Variants in ANK3 observed in about 807,000 individuals in gnomAD.
The protein encoded by ANK3 is ankyrin 3, also known as ankyrin-3.
In ANK3, 57 loss-of-function variants were observed where a neutral mutation model predicts 370.9. That is an observed-to-expected ratio of 0.15 (90% CI 0.12 to 0.19). ANK3 has a LOEUF of 0.19. Among genes scored for constraint, ANK3 ranks in the 10% least tolerant of loss-of-function variants. The probability of loss-of-function intolerance (pLI) is 1.00; values close to 1 mark genes in which losing one functional copy is unlikely to be tolerated. For synonymous variants in ANK3, 1,929 were observed against 1,946.3 expected (o/e 0.99, Z 0.23); for missense variants, 4,439 against 5,302.1 (o/e 0.84, Z 5.06).
Position 60,138,950 on chromosome 10 carries a change from C to T in ANK3, c.2738+14G>A, listed in dbSNP as rs1476840623. 1 of 1,611,548 alleles carries T rather than the reference C, an allele frequency of 6.2e-7. No homozygotes were observed. The highest frequency in any genetic ancestry group is 1.3e-5 in the African/African-American group (1 of 74,794). On this transcript the variant is annotated intron_variant, in intron 24 of 43. Coordinates refer to ENST00000280772, the MANE Select transcript of ANK3 (RefSeq NM_020987.5). ...GTTTTAAATTAACTATGAAAGACAG[C>T]AACAACGAAGTACCTGGCAGAACGC...
intron 1 of ANK3, among the ~76,000 whole-genome samples, chr10:60,689,847 G>A (rs976851930): frequency 1.1e-4 from 16 of 151,816 alleles, no homozygotes; most frequent in Non-Finnish European, 1.5e-4. Flanking sequence ...TCAAAATTAT[G>A]TTGAGGGAAT....
intron 2 of ANK3, among the ~76,000 whole-genome samples, chr10:60,497,378 G>T (rs1486096419): frequency 1.3e-5 from 2 of 152,310 alleles, no homozygotes; most frequent in African/African-American, 4.8e-5. Flanking sequence ...AATTGTAGTT[G>T]TTCTGGTACC....
At chr10:60,465,757 T>C (rs755923273) in intron 2 of ANK3, among the ~76,000 whole-genome samples, 4 of 151,296 alleles carry the variant, frequency 2.6e-5, no homozygotes, top group Non-Finnish European at 4.4e-5. Context: ...GAATTCCTAA[T>C]AGGAATAGTT....
intron 2 of ANK3, among the ~76,000 whole-genome samples, chr10:60,465,077 G>A (rs998481988): frequency 1.3e-5 from 2 of 152,018 alleles, no homozygotes; most frequent in Non-Finnish European, 2.9e-5. Flanking sequence ...GGCCAGCCTG[G>A]GCAACATGGT....
At chr10:60,634,731 T>C (rs1477826149) in intron 1 of ANK3, among the ~76,000 whole-genome samples, 2 of 152,118 alleles carry the variant, frequency 1.3e-5, no homozygotes. Flanking sequence ...CTTTATGAGC[T>C]GTAACACTCA....
chr10:60,699,705 G>A (rs1393419270), intron 1 of ANK3, among the ~76,000 whole-genome samples: 1 of 152,138 alleles, frequency 6.6e-6, no homozygotes, highest in Non-Finnish European at 1.5e-5. Flanking sequence ...ATACATTTAA[G>A]GAGAGAAGAA....
At chr10:60,126,020 G>A (rs1262922584) in intron 25 of ANK3, among the ~76,000 whole-genome samples, 1 of 152,196 alleles carries the variant, frequency 6.6e-6, no homozygotes, top group Non-Finnish European at 1.5e-5. Flanking sequence ...AGATGTGACA[G>A]CAGCCTTCCT....
At chr10:60,705,875 T>G (rs1329718861) in intron 1 of ANK3, among the ~76,000 whole-genome samples, 2 of 145,874 alleles carry the variant, frequency 1.4e-5, no homozygotes, top group African/African-American at 5.1e-5. Flanking sequence ...CTCCATTGAG[T>G]GCAGTGGTGC....
chr10:60,240,881 A>G (rs976990945), intron 7 of ANK3, among the ~76,000 whole-genome samples: 2 of 152,226 alleles, frequency 1.3e-5, no homozygotes, highest in Non-Finnish European at 2.9e-5. Context: ...ATGAGCCACC[A>G]TGCCTGGTGA....
chr10:60,043,157 T>C (rs2076404072), intron 42 of ANK3: 3 of 990,830 alleles, frequency 3.0e-6, no homozygotes, highest in South Asian at 4.7e-5. Context: ...ATGCTGTTGA[T>C]CTGAGGGACT....
At chr10:60,082,488 C>A in intron 34 of ANK3, 127 bp downstream of exon 34, 4 of 1,287,902 alleles carry the variant, frequency 3.1e-6, no homozygotes, top group Non-Finnish European at 4.3e-6. Context: ...GCAATCTACA[C>A]GAGGAGACTA....
At position 60,441,157 on chromosome 10, in the gene ANK3, G is replaced by C. The variant is rs537361515; in HGVS notation, c.97-161518C>G. The stretch of plus-strand genomic sequence containing the variant: ...TCATGTCTGGGTGGTAAGATGGATT[G>C]TGAGAGACTATTTTCTTTATAATAT... On this transcript the variant is annotated intron_variant, in intron 2 of 43. Coordinates refer to the ANK3 transcript ENST00000373827. Among the ~76,000 whole-genome samples, 62 of 152,294 alleles carry C rather than the reference G, an allele frequency of 4.1e-4. No individual in the cohort carries two copies. In the Middle Eastern group the frequency reaches 0.017, roughly 42 times the overall value.
At chr10:60,646,569 G>A (rs577364408) in intron 1 of ANK3, among the ~76,000 whole-genome samples, 1 of 152,208 alleles carries the variant, frequency 6.6e-6, no homozygotes, top group African/African-American at 2.4e-5. Context: ...GACAACTACA[G>A]AGATCCAGTT....
chr10:60,333,170 C>T (rs936970493), intron 1 of ANK3, among the ~76,000 whole-genome samples: 5 of 152,006 alleles, frequency 3.3e-5, no homozygotes, highest in Non-Finnish European at 7.4e-5. Context: ...TATTATTATA[C>T]TTTAAGTTCT....
At chr10:60,162,125 C>G (rs1003208615) in intron 23 of ANK3, among the ~76,000 whole-genome samples, 5 of 152,130 alleles carry the variant, frequency 3.3e-5, no homozygotes, top group Non-Finnish European at 5.9e-5. Flanking sequence ...CCTTAACACA[C>G]CTCCTTTTTT....
At chr10:60,188,302 C>T (rs1400693475) in intron 16 of ANK3, among the ~76,000 whole-genome samples, 1 of 152,026 alleles carries the variant, frequency 6.6e-6, no homozygotes, top group African/African-American at 2.4e-5. Flanking sequence ...GTCTTCTGCC[C>T]CAAGAAAGAG....
intron 12 of ANK3, among the ~76,000 whole-genome samples, chr10:60,201,960 C>T (rs1044962478): frequency 1.3e-5 from 2 of 151,952 alleles, no homozygotes; most frequent in South Asian, 4.1e-4. Context: ...AGTGATCCAC[C>T]CATCTCGGCC....
In ANK3 at chr10:60,105,090, T is replaced by C. The variant is rs144329072; in HGVS notation, c.3328+815A>G. ...TATGGAATATGAATTATATCTCGAA[T>C]AAAGCTGTTGTTTAAATAATTCCTG... On this transcript the variant is annotated intron_variant, in intron 28 of 43. Coordinates refer to ENST00000280772, the MANE Select transcript of ANK3 (RefSeq NM_020987.5). Among the ~76,000 whole-genome samples, 44 of 152,306 alleles carry C rather than the reference T, an allele frequency of 2.9e-4. No individual in the cohort carries two copies. The East Asian group carries it at 8.1e-3, about 28-fold the overall frequency.
intron 1 of ANK3, among the ~76,000 whole-genome samples, chr10:60,708,091 T>C (rs926144250): frequency 2.0e-5 from 3 of 152,134 alleles, no homozygotes; most frequent in Non-Finnish European, 4.4e-5. Flanking sequence ...GTACAGGCTG[T>C]CAGAGGTTCT....
Sources: gnomAD v4.1 joint callset for allele counts (sites outside exome capture counted in the v4.1 genomes callset) on GRCh38, gnomAD v4.1.1 for gene constraint, MANE v1.5 for transcripts, NCBI Gene and HGNC (gene_info 2026-07-23, HGNC 2026-07-21) for gene names.